Variants in ARHGAP15 observed in about 807,000 individuals in gnomAD.
The protein encoded by ARHGAP15 is Rho GTPase activating protein 15, also known as rho GTPase-activating protein 15.
ARHGAP15 carries 51 observed loss-of-function variants against 63.7 expected under a neutral mutation model. The observed-to-expected ratio is 0.80, with a 90% confidence interval of 0.64 to 1.01. The LOEUF (loss-of-function observed/expected upper bound fraction) is 1.01, where lower values mean the gene tolerates loss of function less well. ARHGAP15 is among the 50% of genes least tolerant of loss of function. ARHGAP15 has a pLI of 0.00. For synonymous variants in ARHGAP15, 191 were observed against 193.8 expected (o/e 0.99, Z 0.12); for missense variants, 560 against 564.6 (o/e 0.99, Z 0.08).
chr2:143,659,565 T>G (rs188414989), intron 12 of ARHGAP15, among the ~76,000 whole-genome samples: 3 of 152,286 alleles, frequency 2.0e-5, no homozygotes, highest in Non-Finnish European at 4.4e-5. Context: ...TGAAAGATTC[T>G]TAGGTATCCA....
At chr2:143,138,382 C>T (rs534091629) in intron 1 of ARHGAP15, among the ~76,000 whole-genome samples, 6 of 151,916 alleles carry the variant, frequency 3.9e-5, no homozygotes, top group African/African-American at 9.6e-5. Flanking sequence ...GTATGCCATG[C>T]GATAATTTTG....
chr2:143,692,999 T>C (rs1220578908), intron 12 of ARHGAP15, among the ~76,000 whole-genome samples: 2 of 152,174 alleles, frequency 1.3e-5, no homozygotes, highest in African/African-American at 4.8e-5. Flanking sequence ...GGGTCTACTT[T>C]GGATGCCTGT....
chr2:143,661,135 C>G (rs1308443131), intron 12 of ARHGAP15, among the ~76,000 whole-genome samples: 1 of 152,176 alleles, frequency 6.6e-6, no homozygotes, highest in East Asian at 1.9e-4. Context: ...CTCTCACTGA[C>G]CACAACAAGG....
intron 2 of ARHGAP15, among the ~76,000 whole-genome samples, chr2:143,190,360 T>C (rs958997795): frequency 6.6e-6 from 1 of 152,210 alleles, no homozygotes; most frequent in Non-Finnish European, 1.5e-5. Context: ...CAAATTTTAG[T>C]GTCTGCAGGA....
At chr2:143,500,280 AACTTT>A (rs1201107446) in intron 9 of ARHGAP15, among the ~76,000 whole-genome samples, 1 of 150,862 alleles carries the variant, frequency 6.6e-6, no homozygotes, top group African/African-American at 2.4e-5. Context: ...ATATATGAAG[AACTTT>A]ATATAGCTAA....
At chr2:143,588,063 A>C (rs1697177760) in intron 11 of ARHGAP15, among the ~76,000 whole-genome samples, 4 of 152,128 alleles carry the variant, frequency 2.6e-5, no homozygotes, top group Admixed American at 2.0e-4. Context: ...AAGGCTATGT[A>C]ATTGTCCCCC....
chr2:143,209,430 G>A (rs561456240), intron 3 of ARHGAP15, among the ~76,000 whole-genome samples: 1 of 152,138 alleles, frequency 6.6e-6, no homozygotes, highest in South Asian at 2.1e-4. Context: ...TGCTAGGCTT[G>A]GAATATGTGA....
chr2:143,256,331 C>T lies in ARHGAP15; in HGVS notation c.474+5731C>T, dbSNP rs145562699. Among the ~76,000 whole-genome samples the T allele has an allele frequency of 7.2e-4, 109 of 152,180 alleles. 1 individual carries two copies. The East Asian group carries it at 0.016, about 22-fold the overall frequency. ...AATGTAACTCAAAATTTCTGCTCTA[C>T]TTCTGGTCTTTCTGTTGCCTTCTGA... On this transcript the variant is annotated intron_variant, in intron 6 of 13. Coordinates refer to ENST00000295095, the MANE Select transcript of ARHGAP15 (RefSeq NM_018460.4).
intron 5 of ARHGAP15, among the ~76,000 whole-genome samples, chr2:143,232,660 A>G (rs899492779): frequency 2.0e-5 from 3 of 152,134 alleles, no homozygotes; most frequent in Admixed American, 2.0e-4. Context: ...CCCAACCCCT[A>G]TCAGTTGTCC....
intron 6 of ARHGAP15, among the ~76,000 whole-genome samples, chr2:143,423,879 T>A (rs1689034876): frequency 1.3e-5 from 2 of 152,146 alleles, no homozygotes; most frequent in African/African-American, 4.8e-5. Flanking sequence ...AACACAAAAA[T>A]TTTAAATAAA....
intron 9 of ARHGAP15, among the ~76,000 whole-genome samples, chr2:143,514,078 A>AT (rs1693701897): frequency 6.6e-6 from 1 of 152,046 alleles, no homozygotes; most frequent in Non-Finnish European, 1.5e-5. Flanking sequence ...AACCCTCACT[A>AT]TTTTTTTACA....
intron 11 of ARHGAP15, among the ~76,000 whole-genome samples, chr2:143,614,161 T>A (rs1487258276): frequency 6.6e-6 from 1 of 152,182 alleles, no homozygotes; most frequent in Non-Finnish European, 1.5e-5. Context: ...GCTCATCGTT[T>A]AAGATCATTA....
At position 143,311,520 on chromosome 2, in the gene ARHGAP15, CTT is replaced by C. The variant is rs1471363846; in HGVS notation, c.474+60922_474+60923del. Among the ~76,000 whole-genome samples, 5 of 152,092 alleles carry C rather than the reference CTT, an allele frequency of 3.3e-5. No individual in the cohort carries two copies. In the East Asian group the frequency reaches 5.8e-4, roughly 18 times the overall value. On this transcript the variant is annotated intron_variant, in intron 6 of 13. Transcript: ENST00000295095. ...TTGCAGTTAAGAACATGCTGCATAT[CTT>C]TAAGCTTTACTTAAAGTGCTTATAG...
At chr2:143,656,027 T>C (rs552083263) in intron 12 of ARHGAP15, 4 of 152,334 alleles carry the variant, frequency 2.6e-5, no homozygotes, top group South Asian at 4.1e-4. Flanking sequence ...ACTGATTAAG[T>C]GCTGCTTGAT....
At position 143,206,572 on chromosome 2, in the gene ARHGAP15, G is replaced by C. The variant is rs373799906; in HGVS notation, c.234+4370G>C. Among the ~76,000 whole-genome samples, 23 of 152,108 alleles carry C rather than the reference G, an allele frequency of 1.5e-4. 1 individual carries two copies. The South Asian group carries it at 4.8e-3, about 32-fold the overall frequency. On this transcript the variant is annotated intron_variant, in intron 3 of 13. Coordinates refer to ENST00000295095, the MANE Select transcript of ARHGAP15 (RefSeq NM_018460.4). Reference sequence around the variant, plus strand: ...TTTGATCTGTCTCTCAATAGCAGCTGGGTCTTGACTCTATTCCAGCCCCAT... The same window carrying C: ...TTTGATCTGTCTCTCAATAGCAGCTCGGTCTTGACTCTATTCCAGCCCCAT...
chr2:143,166,007 AAG>A (rs1690506011), intron 2 of ARHGAP15, among the ~76,000 whole-genome samples: 1 of 145,376 alleles, frequency 6.9e-6, no homozygotes. Context: ...AGAAAGAAGG[AAG>A]GAAGGAAAAA....
At chr2:143,635,473 C>T (rs77224562) in intron 12 of ARHGAP15, among the ~76,000 whole-genome samples, 5,046 of 152,074 alleles carry the variant, frequency 0.033, 258 homozygotes, top group African/African-American at 0.11. Context: ...TCCAGCCCTC[C>T]TCTGTCAATA....
At chr2:143,537,047 C>A (rs1169915879) in intron 10 of ARHGAP15, among the ~76,000 whole-genome samples, 1 of 152,048 alleles carries the variant, frequency 6.6e-6, no homozygotes, top group East Asian at 1.9e-4. Flanking sequence ...TGTTTCCTGA[C>A]TTTTTAATGA....
At chr2:143,241,963 C>A (rs773567802) in intron 5 of ARHGAP15, among the ~76,000 whole-genome samples, 2 of 152,180 alleles carry the variant, frequency 1.3e-5, no homozygotes, top group African/African-American at 2.4e-5. Flanking sequence ...AAGCTTAAAG[C>A]AATCTGTGGG....
Sources: allele counts gnomAD v4.1 joint callset (sites outside exome capture counted in the v4.1 genomes callset), GRCh38; gene constraint gnomAD v4.1.1; transcripts MANE v1.5; gene names NCBI Gene and HGNC (gene_info 2026-07-23, HGNC 2026-07-21).